Variants in DNAAF19 observed in about 807,000 individuals in gnomAD.
DNAAF19 encodes coiled-coil domain containing 103.
the DNAAF19 span, chr17:44,902,818 T>TG: frequency 1.3e-6 from 2 of 1,538,354 alleles, no homozygotes; most frequent in Admixed American, 2.0e-5. Context: ...GGTTGACTGA[T>TG]GCGGCAAGCT....
the DNAAF19 span, chr17:44,904,897 G>C: frequency 6.4e-7 from 1 of 1,550,576 alleles, no homozygotes; most frequent in Non-Finnish European, 8.7e-7. Flanking sequence ...CTGGCTTCCG[G>C]CTGGGTGTGA....
At chr17:44,904,648 C>T in the DNAAF19 span, 1 of 1,550,550 alleles carries the variant, frequency 6.4e-7, no homozygotes, top group African/African-American at 1.4e-5. Flanking sequence ...CCCAGGTGCC[C>T]ATTCAGTTCC....
the DNAAF19 span, among the ~76,000 whole-genome samples, chr17:44,900,385 C>T: frequency 6.6e-6 from 1 of 151,976 alleles, no homozygotes; most frequent in Admixed American, 6.6e-5. Flanking sequence ...AGGCATTGCC[C>T]AGGTACCTAG....
At chr17:44,901,336 A>G in the DNAAF19 span, among the ~76,000 whole-genome samples, 1 of 152,266 alleles carries the variant, frequency 6.6e-6, no homozygotes, top group Non-Finnish European at 1.5e-5. Context: ...GAGTTCTTGC[A>G]CATAAGACTG....
the DNAAF19 span, chr17:44,899,788 A>C: frequency 6.6e-6 from 1 of 152,392 alleles, no homozygotes; most frequent in Non-Finnish European, 1.5e-5. Context: ...GGGGATCCCC[A>C]AAGAAAGCAA....
the DNAAF19 span, chr17:44,903,452 C>T: frequency 3.2e-6 from 4 of 1,252,734 alleles, no homozygotes; most frequent in Non-Finnish European, 4.0e-6. Context: ...ACCAGGCTGG[C>T]AGGGCAGGGC....
chr17:44,903,640 A>G, the DNAAF19 span: 4 of 1,431,566 alleles, frequency 2.8e-6, no homozygotes, highest in Non-Finnish European at 3.6e-6. Flanking sequence ...TTAGAAGGGC[A>G]TCTTGTACAT....
chr17:44,903,682 G>A, the DNAAF19 span: 1 of 1,435,718 alleles, frequency 7.0e-7, no homozygotes, highest in Non-Finnish European at 9.1e-7. Flanking sequence ...GCACTTGGCG[G>A]CTTCCTCTGC....
chr17:44,904,379 C>T, the DNAAF19 span: 20 of 1,542,468 alleles, frequency 1.3e-5, no homozygotes, highest in South Asian at 3.6e-5. Flanking sequence ...CTGCGGAGTG[C>T]GTGGGGAGCA....
chr17:44,903,552 C>T, the DNAAF19 span: 1 of 1,361,326 alleles, frequency 7.3e-7, no homozygotes, highest in South Asian at 2.0e-5. Flanking sequence ...TGGGTGAGCG[C>T]CAGTGTTCTA....
At chr17:44,902,956 G>A in the DNAAF19 span, 1 of 1,433,300 alleles carries the variant, frequency 7.0e-7, no homozygotes, top group Non-Finnish European at 9.1e-7. Context: ...GCAAAAACAG[G>A]AATCAAGTCT....
chr17:44,903,315 A>C, the DNAAF19 span: 1 of 1,245,562 alleles, frequency 8.0e-7, no homozygotes, highest in Non-Finnish European at 1.0e-6. Context: ...CTAGAGACTC[A>C]GTTCTTGTGC....
the DNAAF19 span, chr17:44,900,896 T>G: frequency 1.5e-5 from 19 of 1,248,202 alleles, no homozygotes; most frequent in Non-Finnish European, 1.9e-5. Flanking sequence ...CAGAGTGCTT[T>G]GGGGTCATTT....
At chr17:44,903,285 T>C in the DNAAF19 span, 23 of 1,246,636 alleles carry the variant, frequency 1.8e-5, no homozygotes, top group African/African-American at 3.6e-4. Flanking sequence ...ACTACATCAT[T>C]TGAGGTGTTG....
At chr17:44,902,759 G>A in the DNAAF19 span, 1 of 1,598,896 alleles carries the variant, frequency 6.3e-7, no homozygotes, top group Non-Finnish European at 8.5e-7. Flanking sequence ...CAGTCTGGTG[G>A]GCTCCAGGAG....
At chr17:44,902,396 C>T in the DNAAF19 span, 1 of 1,614,246 alleles carries the variant, frequency 6.2e-7, no homozygotes, top group Non-Finnish European at 8.5e-7. Context: ...GAGACGTCTG[C>T]TGACTTCTAT....
chr17:44,902,617 A>C, the DNAAF19 span: 2 of 1,614,046 alleles, frequency 1.2e-6, no homozygotes, highest in Non-Finnish European at 1.7e-6. Flanking sequence ...TGGGCGCTTC[A>C]CCCTGAACCT....
chr17:44,904,109 C>A, the DNAAF19 span: 1 of 1,550,478 alleles, frequency 6.4e-7, no homozygotes, highest in African/African-American at 1.4e-5. Flanking sequence ...AGCCCAGGTA[C>A]GTGTGGGCAG....
the DNAAF19 span, chr17:44,902,812 G>T: frequency 1.3e-6 from 2 of 1,543,446 alleles, no homozygotes; most frequent in South Asian, 2.4e-5. Context: ...GTACCAGGTT[G>T]ACTGATGCGG....
Sources: allele counts gnomAD v4.1 joint callset (sites outside exome capture counted in the v4.1 genomes callset), GRCh38; gene constraint gnomAD v4.1.1; transcripts MANE v1.5; gene names NCBI Gene and HGNC (gene_info 2026-07-23, HGNC 2026-07-21).